C1QTNF7: variants seen among roughly 807,000 people sequenced by gnomAD.
C1QTNF7 encodes C1q and TNF related 7, also known as complement C1q tumor necrosis factor-related protein 7.
Under a neutral mutation model 19.6 loss-of-function variants are expected in C1QTNF7, and 15 were observed. The observed-to-expected ratio is 0.76, with a 90% CI of 0.51 to 1.18. C1QTNF7 has a LOEUF of 1.18. Ranked by LOEUF, C1QTNF7 falls within the 50% of genes most tolerant of loss-of-function variation. C1QTNF7 has a pLI of 0.00. For missense variants in C1QTNF7, 324 were observed against 359.7 expected, an observed-to-expected ratio of 0.90 and a Z score of 0.80; for synonymous variants, 142 against 137.5, an observed-to-expected ratio of 1.03 and a Z score of -0.23.
intron 1 of C1QTNF7, among the ~76,000 whole-genome samples, chr4:15,366,521 C>T (rs552811661): frequency 6.6e-6 from 1 of 152,230 alleles, no homozygotes; most frequent in African/African-American, 2.4e-5. Context: ...TGCTTTGCCT[C>T]CCTCCTCTGC....
intron 1 of C1QTNF7, among the ~76,000 whole-genome samples, chr4:15,353,331 T>C (rs886844384): frequency 7.2e-5 from 11 of 152,168 alleles, no homozygotes; most frequent in Admixed American, 3.3e-4. Flanking sequence ...GGTAAGACCA[T>C]AACAGAGACT....
At chr4:15,350,670 C>T (rs1462100842) in intron 1 of C1QTNF7, among the ~76,000 whole-genome samples, 1 of 152,164 alleles carries the variant, frequency 6.6e-6, no homozygotes. Flanking sequence ...ACTGCCATTG[C>T]TATATTGGAC....
At chr4:15,364,494 A>T (rs188206141) in intron 1 of C1QTNF7, among the ~76,000 whole-genome samples, 1 of 152,338 alleles carries the variant, frequency 6.6e-6, no homozygotes, top group East Asian at 1.9e-4. Context: ...CACCATGTAG[A>T]TGGGGGAAGG....
intron 1 of C1QTNF7, among the ~76,000 whole-genome samples, chr4:15,434,035 G>A (rs555030059): frequency 3.0e-4 from 45 of 152,128 alleles, no homozygotes; most frequent in African/African-American, 1.1e-3. Flanking sequence ...GGCCTGTATT[G>A]AATGCACTGG....
rs555970515 is a variant in C1QTNF7, at chr4:15,390,158, G to A, written c.14-45578G>A. On this transcript the variant is annotated intron_variant, in intron 1 of 2. Coordinates refer to the C1QTNF7 transcript ENST00000295297. The stretch of plus-strand genomic sequence containing the variant: ...TTGCAGGGATTCGGATTATGCAGAT[G>A]TAGGGGCTGGCTACAAGTCTAAAAT... Among the ~76,000 whole-genome samples, 3 of 152,298 alleles carry A rather than the reference G, an allele frequency of 2.0e-5. No homozygotes were observed. The East Asian group carries it at 5.8e-4, about 29-fold the overall frequency.
chr4:15,428,899 T>G (rs1366124000), intron 1 of C1QTNF7, among the ~76,000 whole-genome samples: 1 of 152,236 alleles, frequency 6.6e-6, no homozygotes, highest in Admixed American at 6.5e-5. Context: ...AAAGCACATT[T>G]TCAACTTGAA....
chr4:15,435,649 T>C, intron 1 of C1QTNF7, 87 bp from the exon 2 acceptor site: 2 of 1,545,448 alleles, frequency 1.3e-6, no homozygotes, highest in Non-Finnish European at 1.8e-6. Context: ...CAAATGCACA[T>C]TCTCTTGTTC....
At chr4:15,346,744 A>G (rs1190689505) in intron 1 of C1QTNF7, among the ~76,000 whole-genome samples, 1 of 152,162 alleles carries the variant, frequency 6.6e-6, no homozygotes, top group Non-Finnish European at 1.5e-5. Flanking sequence ...AATTTCCCAG[A>G]TCATTATTAG....
In C1QTNF7 at chr4:15,442,903, A is replaced by C. The variant is rs1712842768; in HGVS notation, c.*104A>C. 1.6e-6 allele frequency: 2 copies of C among 1,230,954 alleles called. No individual in the cohort carries two copies. The highest frequency in any genetic ancestry group is 3.0e-5 in the African/African-American group (2 of 66,094). 76.3% of individuals were successfully genotyped at this position (1,230,954 alleles called of 1,614,324 possible). A position where few individuals can be genotyped will look rare whatever the true frequency, so the allele number is the denominator to read the frequency against. ...AAAGAGACTCCCACTCAGATTCTAA[A>C]GCATTTAAAGACAATTCTAGCAGAA... On this transcript the variant is annotated 3_prime_UTR_variant, in exon 3 of 3. Transcript: ENST00000444304.
chr4:15,340,039 C>T (rs1716484778), exon 1 of C1QTNF7: 4 of 891,486 alleles, frequency 4.5e-6, no homozygotes, highest in Non-Finnish European at 7.3e-6. Context: ...CTCAGACGAG[C>T]ACTTTATTTT....
chr4:15,412,657 A>T (rs984195342), intron 1 of C1QTNF7, among the ~76,000 whole-genome samples: 3 of 152,204 alleles, frequency 2.0e-5, no homozygotes, highest in Non-Finnish European at 2.9e-5. Context: ...ACGTATGGTA[A>T]ACACACTCAC....
At chr4:15,385,447 G>A (rs913118243) in intron 1 of C1QTNF7, among the ~76,000 whole-genome samples, 1 of 152,260 alleles carries the variant, frequency 6.6e-6, no homozygotes, top group Non-Finnish European at 1.5e-5. Context: ...CAGCTGAGGA[G>A]TGACAAGGAG....
chr4:15,438,006 TG>T (rs1712604314), intron 2 of C1QTNF7, among the ~76,000 whole-genome samples: 1 of 152,180 alleles, frequency 6.6e-6, no homozygotes, highest in African/African-American at 2.4e-5. Flanking sequence ...GACATTCATG[TG>T]GGGGAGGCCA....
upstream of C1QTNF7, among the ~76,000 whole-genome samples, chr4:15,427,372 G>A (rs890953101): frequency 5.3e-5 from 8 of 152,118 alleles, no homozygotes; most frequent in East Asian, 1.9e-4. Flanking sequence ...CACCATAGAC[G>A]ACTAGTCATA....
intron 1 of C1QTNF7, among the ~76,000 whole-genome samples, chr4:15,410,365 T>A (rs914108677): frequency 6.6e-6 from 1 of 152,246 alleles, no homozygotes; most frequent in East Asian, 1.9e-4. Context: ...TGCCAGGCTG[T>A]TAACGTGTGA....
At chr4:15,389,568 C>T (rs1410371603) in intron 1 of C1QTNF7, among the ~76,000 whole-genome samples, 5 of 152,130 alleles carry the variant, frequency 3.3e-5, no homozygotes, top group African/African-American at 1.2e-4. Context: ...TACAGGTGCA[C>T]ACCACCACAC....
At chr4:15,359,811 A>G (rs150359701) in intron 1 of C1QTNF7, among the ~76,000 whole-genome samples, 429 of 152,286 alleles carry the variant, frequency 2.8e-3, no homozygotes, top group South Asian at 7.9e-3. Flanking sequence ...TTCCAGGAAT[A>G]CAGCTCAAGC....
intron 1 of C1QTNF7, among the ~76,000 whole-genome samples, chr4:15,406,130 T>G (rs1719187312): frequency 1.3e-5 from 2 of 152,248 alleles, no homozygotes. Context: ...GAATAATCAC[T>G]GCATTTGCTT....
chr4:15,417,069 C>A (rs980147133), intron 1 of C1QTNF7, among the ~76,000 whole-genome samples: 2 of 152,300 alleles, frequency 1.3e-5, no homozygotes, highest in African/African-American at 2.4e-5. Context: ...TAAATACCCA[C>A]CTTTTATTCT....
Sources: gnomAD v4.1 joint callset for allele counts (sites outside exome capture counted in the v4.1 genomes callset) on GRCh38, gnomAD v4.1.1 for gene constraint, MANE v1.5 for transcripts, NCBI Gene and HGNC (gene_info 2026-07-23, HGNC 2026-07-21) for gene names.